Variants in MARCHF1 observed in about 807,000 individuals in gnomAD.
The protein encoded by MARCHF1 is membrane associated ring-CH-type finger 1.
MARCHF1 carries 40 observed loss-of-function variants against 54.2 expected under a neutral mutation model. The ratio of observed to expected loss-of-function variants is 0.74; its 90% CI spans 0.57 to 0.96. MARCHF1 has a LOEUF of 0.96. MARCHF1 is among the 40% of genes least tolerant of loss of function. MARCHF1 has a pLI of 0.00. For synonymous variants in MARCHF1, 236 were observed against 236.3 expected, an observed-to-expected ratio of 1.00 and a Z score of 0.01; for missense variants, 586 against 656.5, an observed-to-expected ratio of 0.89 and a Z score of 1.17.
At chr4:163,720,105 G>A (rs1001566611) in intron 4 of MARCHF1, among the ~76,000 whole-genome samples, 5 of 152,112 alleles carry the variant, frequency 3.3e-5, no homozygotes, top group African/African-American at 1.2e-4. Context: ...CCTTGCCCAC[G>A]CCTATGTCCT....
chr4:163,612,841 A>G lies in MARCHF1; in HGVS notation c.440T>C (p.Ile147Thr), dbSNP rs1302694313. The G allele has an allele frequency of 2.6e-6, 4 of 1,535,220 alleles. No homozygotes were observed. Among genetic ancestry groups the G allele is most frequent in the Non-Finnish European group, 2.6e-6 (3 of 1,146,476 alleles). Residue 147 changes from isoleucine to threonine, a missense_variant, in exon 7 of 10, where the codon ATC becomes ACC. Around this residue, in one of 3 missense-constraint regions of MARCHF1, gnomAD observed 387 missense variants for 394.6 expected, o/e 0.98. Coordinates refer to ENST00000514618, the MANE Select transcript of MARCHF1 (RefSeq NM_001394959.1). ...AAGCTCCCTCCACCTGGGGCTTGAGATTTGAAGGTGAAAGTCATTTTTTCT... is the reference window on the plus strand; with the variant it reads ...AAGCTCCCTCCACCTGGGGCTTGAGGTTTGAAGGTGAAAGTCATTTTTTCT... ...RGRKNDFHLQ[I>T]SSPRWRELYT... is the part of the protein sequence containing the mutation.
chr4:164,193,732 T>C (rs1731182705), intron 1 of MARCHF1, among the ~76,000 whole-genome samples: 1 of 152,110 alleles, frequency 6.6e-6, no homozygotes, highest in Admixed American at 6.5e-5. Context: ...AGTGGGTAAA[T>C]GAACAAATGC....
At chr4:164,195,989 T>C (rs2111064905) in intron 1 of MARCHF1, among the ~76,000 whole-genome samples, 1 of 152,296 alleles carries the variant, frequency 6.6e-6, no homozygotes, top group South Asian at 2.1e-4. Context: ...AACATAAATA[T>C]AGTTGAAATG....
chr4:163,873,225 G>A (rs1404969667), intron 3 of MARCHF1, among the ~76,000 whole-genome samples: 1 of 152,120 alleles, frequency 6.6e-6, no homozygotes, highest in Non-Finnish European at 1.5e-5. Context: ...TTCCCTTTAA[G>A]CTTCTGCTCT....
chr4:163,529,901 G>C (rs547026735), intron 9 of MARCHF1: 27 of 152,100 alleles, frequency 1.8e-4, no homozygotes, highest in Admixed American at 7.9e-4. Context: ...TTAGGGTGGT[G>C]TGGGGGACAA....
intron 1 of MARCHF1, among the ~76,000 whole-genome samples, chr4:164,323,293 A>T (rs982902716): frequency 2.0e-5 from 3 of 151,766 alleles, no homozygotes; most frequent in Non-Finnish European, 4.4e-5. Context: ...AAACTGAAAT[A>T]TAAGCTATAT....
chr4:164,080,254 T>C (rs1275987043), intron 2 of MARCHF1, among the ~76,000 whole-genome samples: 1 of 152,212 alleles, frequency 6.6e-6, no homozygotes, highest in Non-Finnish European at 1.5e-5. Context: ...ATGAATTGAC[T>C]ACAGTCTTAT....
intron 2 of MARCHF1, among the ~76,000 whole-genome samples, chr4:164,016,219 C>G (rs1351855465): frequency 6.6e-6 from 1 of 152,066 alleles, no homozygotes; most frequent in African/African-American, 2.4e-5. Context: ...AGGAAACTTA[C>G]AATTATGGCA....
intron 2 of MARCHF1, among the ~76,000 whole-genome samples, chr4:164,076,231 C>A (rs559461480): frequency 1.3e-5 from 2 of 151,794 alleles, no homozygotes; most frequent in African/African-American, 4.8e-5. Context: ...AAATAAGGAA[C>A]AATGAACAAA....
At chr4:164,109,119 T>C (rs903333507) in intron 2 of MARCHF1, among the ~76,000 whole-genome samples, 1 of 152,026 alleles carries the variant, frequency 6.6e-6, no homozygotes. Flanking sequence ...CTCTCCTCTG[T>C]ATGGTTCCAG....
At position 163,692,904 on chromosome 4, in the gene MARCHF1, T is replaced by C. The variant is rs1247648738; in HGVS notation, c.162+7909A>G. Among the ~76,000 whole-genome samples the C allele has an allele frequency of 2.0e-5, 3 of 151,362 alleles. 1 individual carries two copies. Among genetic ancestry groups the C allele is most frequent in the Non-Finnish European group, 4.4e-5 (3 of 67,908 alleles). On this transcript the variant is annotated intron_variant, in intron 5 of 9. Transcript: ENST00000514618. Reference sequence around the variant, plus strand: ...TACTAGAGAAGAACAACACAATATCTGGCATGTGGTATGAGGCTATTAATC... The same window carrying C: ...TACTAGAGAAGAACAACACAATATCCGGCATGTGGTATGAGGCTATTAATC...
chr4:164,382,503 A>G (rs1731397039), intron 1 of MARCHF1, among the ~76,000 whole-genome samples: 1 of 152,032 alleles, frequency 6.6e-6, no homozygotes, highest in South Asian at 2.1e-4. Flanking sequence ...TTAAATTCAT[A>G]CATACAAAAT....
At chr4:163,828,960 A>T (rs906161011) in intron 4 of MARCHF1, 1 of 152,206 alleles carries the variant, frequency 6.6e-6, no homozygotes, top group African/African-American at 2.4e-5. Context: ...TGCTGCTGGT[A>T]AGGTCATTCT....
intron 2 of MARCHF1, among the ~76,000 whole-genome samples, chr4:164,081,017 G>C (rs1755085091): frequency 6.7e-6 from 1 of 149,490 alleles, no homozygotes; most frequent in Admixed American, 6.7e-5. Flanking sequence ...GACCATCCTG[G>C]CTAACACAGT....
At position 164,332,932 on chromosome 4, in the gene MARCHF1, T is replaced by G. The variant is rs148495114; in HGVS notation, c.-323+50938A>C. Among the ~76,000 whole-genome samples the G allele has an allele frequency of 8.9e-3, 1,359 of 152,270 alleles. 9 individuals are homozygous for G. Among genetic ancestry groups the G allele is most frequent in the Non-Finnish European group, 0.014 (950 of 68,006 alleles). On this transcript the variant is annotated intron_variant, in intron 1 of 9. Transcript: ENST00000514618. ...AGTATATAGTAAAGTATAATGAAAG[T>G]ATACAAATATACTTTCATTATTGCT...
chr4:163,635,560 C>T (rs201127723), intron 5 of MARCHF1, among the ~76,000 whole-genome samples: 57,505 of 139,002 alleles, frequency 0.41, 12,147 homozygotes, highest in East Asian at 0.56. Context: ...GTTGAATCTC[C>T]GAATAGACCA....
chr4:163,718,401 G>T (rs756538286), intron 4 of MARCHF1, among the ~76,000 whole-genome samples: 22 of 151,730 alleles, frequency 1.4e-4, no homozygotes, highest in Admixed American at 3.3e-4. Context: ...TGCAATCTAC[G>T]CATCTGACAA....
intron 3 of MARCHF1, among the ~76,000 whole-genome samples, chr4:163,947,291 G>A (rs1435869130): frequency 6.6e-6 from 1 of 151,986 alleles, no homozygotes; most frequent in Non-Finnish European, 1.5e-5. Flanking sequence ...GATGAGCTGT[G>A]GTCCTAACAA....
chr4:164,042,213 C>T (rs545059243), intron 2 of MARCHF1, among the ~76,000 whole-genome samples: 24 of 152,220 alleles, frequency 1.6e-4, no homozygotes, highest in Admixed American at 1.0e-3. Context: ...TGAGTCTCTC[C>T]AGGCTGAACA....
Sources: allele counts gnomAD v4.1 joint callset (sites outside exome capture counted in the v4.1 genomes callset), GRCh38; gene constraint gnomAD v4.1.1; regional missense constraint gnomAD v4.1.1; transcripts MANE v1.5; gene names NCBI Gene and HGNC (gene_info 2026-07-23, HGNC 2026-07-21).